Variants in ACSL4 observed in about 807,000 individuals in gnomAD.
The protein encoded by ACSL4 is long-chain-fatty-acid--CoA ligase 4.
ACSL4 carries 9 observed loss-of-function variants against 49.1 expected under a neutral mutation model. The ratio of observed to expected loss-of-function variants is 0.18; its 90% CI spans 0.11 to 0.32. ACSL4 has a LOEUF of 0.32. Among genes scored for constraint, ACSL4 ranks in the 10% least tolerant of loss-of-function variants. The pLI, the probability that ACSL4 is intolerant of heterozygous loss-of-function variation, is 1.00. For missense variants in ACSL4, 333 were observed against 493.7 expected, an observed-to-expected ratio of 0.67 and a Z score of 3.08; for synonymous variants, 191 against 170.3, an observed-to-expected ratio of 1.12 and a Z score of -0.95.
intron 9 of ACSL4, among the ~76,000 whole-genome samples, chrX:109,673,705 G>A (rs1026879284): frequency 8.9e-6 from 1 of 111,767 alleles, no homozygotes; most frequent in African/African-American, 3.3e-5. Flanking sequence ...GTAATTCTGT[G>A]AAAGATATTG....
intron 1 of ACSL4, among the ~76,000 whole-genome samples, chrX:109,702,577 C>T (rs1200896679): frequency 8.9e-6 from 1 of 112,448 alleles, no homozygotes; most frequent in African/African-American, 3.2e-5. Context: ...ATCCAGCACA[C>T]AGATCTTGTT....
At chrX:109,725,293 G>A (rs1168260471) in intron 1 of ACSL4, among the ~76,000 whole-genome samples, 1 of 104,726 alleles carries the variant, frequency 9.5e-6, no homozygotes, top group African/African-American at 3.5e-5. Context: ...TGTTGCTCAG[G>A]CTGGTCTTGA....
chrX:109,674,887 A>G (rs1048054883), intron 8 of ACSL4, among the ~76,000 whole-genome samples: 5 of 112,360 alleles, frequency 4.4e-5, no homozygotes, highest in Non-Finnish European at 9.4e-5. Flanking sequence ...CATCCTGAAG[A>G]CACCACTATG....
At chrX:109,706,379 G>T (rs2147506848) in intron 1 of ACSL4, among the ~76,000 whole-genome samples, 1 of 112,118 alleles carries the variant, frequency 8.9e-6, no homozygotes, top group South Asian at 3.6e-4. Flanking sequence ...GATAAAAGAT[G>T]AATGTGAGAG....
rs745542850 is a variant in ACSL4, at chrX:109,645,029, G to A, written c.1856-843C>T. Among the ~76,000 whole-genome samples the A allele has an allele frequency of 5.0e-4, 56 of 112,564 alleles. No homozygotes were observed. The South Asian group carries it at 0.017, about 35-fold the overall frequency. ...CTGGCTCGGAGGGTCCTACGCCCACGGAGTCTCGCTGATTGCTAGCACAGC... is the reference window on the plus strand; with the variant it reads ...CTGGCTCGGAGGGTCCTACGCCCACAGAGTCTCGCTGATTGCTAGCACAGC... On this transcript the variant is annotated intron_variant, in intron 15 of 15. Coordinates refer to ENST00000672401, the MANE Select transcript of ACSL4 (RefSeq NM_001318510.2).
rs1224048009 is a variant in ACSL4 at position 109,681,070 on chromosome X, C to T, written c.583G>A (p.Ala195Thr). Residue 195 changes from alanine to threonine, a missense_variant, in exon 6 of 16, where the codon GCA (alanine) becomes ACA (threonine). By Grantham distance (58) the Ala-to-Thr change is moderately conservative. Around this residue, in one of 3 missense-constraint regions of ACSL4, gnomAD observed 157 missense variants for 201.1 expected, o/e 0.78. Transcript: ENST00000672401. ...IYVDNKAINK[A>T]EYPEGFEIHS... ...ATCTCAAATCCTTCAGGGTACTCTG[C>T]TTTATTGATAGCCTTATTGTCCACA... The T allele has an allele frequency of 1.7e-6, 2 of 1,207,672 alleles. No individual in the cohort carries two copies. The highest frequency in any genetic ancestry group is 2.2e-6 in the Non-Finnish European group (2 of 893,572).
intron 9 of ACSL4, 26 bp downstream of exon 9, chrX:109,674,376 T>C: frequency 8.8e-7 from 1 of 1,137,365 alleles, no homozygotes; most frequent in Non-Finnish European, 1.2e-6. Flanking sequence ...AATCCTCTTA[T>C]GTTCATATTC....
At chrX:109,669,779 A>ATTCT (rs1923024448) in intron 9 of ACSL4, among the ~76,000 whole-genome samples, 1 of 112,700 alleles carries the variant, frequency 8.9e-6, no homozygotes, top group African/African-American at 3.2e-5. Flanking sequence ...CTCTGTTACA[A>ATTCT]TATATTCACT....
intron 1 of ACSL4, among the ~76,000 whole-genome samples, chrX:109,728,272 A>C (rs1928161598): frequency 8.9e-6 from 1 of 112,513 alleles, no homozygotes; most frequent in Non-Finnish European, 1.9e-5. Context: ...TTATTCTCAT[A>C]ATCAACAGTG....
At chrX:109,658,392 G>A (rs1435571972) in intron 15 of ACSL4, among the ~76,000 whole-genome samples, 2 of 111,087 alleles carry the variant, frequency 1.8e-5, no homozygotes, top group Admixed American at 1.9e-4. Context: ...AAATTCATCT[G>A]CAGCATGGCC....
rs757839351 is a variant in ACSL4 at position 109,657,971 on chromosome X, A to G, written c.1855+1383T>C. Among the ~76,000 whole-genome samples, 100 of 111,701 alleles carry G rather than the reference A, an allele frequency of 9.0e-4. 2 individuals are homozygous for G. Among genetic ancestry groups the G allele is most frequent in the African/African-American group, 3.1e-3 (95 of 30,582 alleles). On this transcript the variant is annotated intron_variant, in intron 15 of 15. Transcript: ENST00000672401. ...ATTTGCATTTCTCTGATGGCCAGTGATGATGAGCATTTTTTCATGTGTCTG... is the reference window on the plus strand; with the variant it reads ...ATTTGCATTTCTCTGATGGCCAGTGGTGATGAGCATTTTTTCATGTGTCTG...
In ACSL4 at chrX:109,674,453, T is replaced by C; in HGVS notation, c.951A>G (p.Gly317=). The C allele has an allele frequency of 3.3e-6, 4 of 1,205,668 alleles. No homozygotes were observed. The highest frequency in any genetic ancestry group is 4.5e-6 in the Non-Finnish European group (4 of 890,141). ...TCAGTACAGTACAGTCTCCTTTGCT[T>C]CCTTTTTTAATTTTGCTGGACTATA... ...LSDQSSKIKK[G]SKGDCTVLKP... Residue 317 remains glycine, a synonymous_variant, in exon 9 of 16, where the codon GGA becomes GGG. Coordinates refer to ENST00000672401, the MANE Select transcript of ACSL4 (RefSeq NM_001318510.2).
intron 8 of ACSL4, among the ~76,000 whole-genome samples, chrX:109,677,519 C>A (rs991431236): frequency 2.7e-5 from 3 of 110,933 alleles, no homozygotes; most frequent in Non-Finnish European, 5.7e-5. Context: ...TGGCTCACAT[C>A]TGTAATCCCA....
At chrX:109,670,419 T>C (rs1194828843) in intron 9 of ACSL4, among the ~76,000 whole-genome samples, 1 of 108,996 alleles carries the variant, frequency 9.2e-6, no homozygotes, top group Non-Finnish European at 1.9e-5. Context: ...ACCCCGTCTC[T>C]ACCAAAAATA....
chrX:109,700,799 C>A (rs1458314446), intron 1 of ACSL4, among the ~76,000 whole-genome samples: 2 of 110,841 alleles, frequency 1.8e-5, no homozygotes, highest in African/African-American at 6.6e-5. Flanking sequence ...AATCCCAGCA[C>A]TTTGGGAGGC....
chrX:109,645,084 G>A (rs1356198866), intron 15 of ACSL4, among the ~76,000 whole-genome samples: 2 of 112,539 alleles, frequency 1.8e-5, no homozygotes, highest in African/African-American at 6.4e-5. Flanking sequence ...AGGTGGCAGG[G>A]AGGCTGGGGG....
rs1284943370 is a variant in ACSL4, at chrX:109,733,185, C to G, written c.-112G>C. 1.2e-5 allele frequency: 4 copies of G among 327,269 alleles called. No homozygotes were observed. Among genetic ancestry groups the G allele is most frequent in the African/African-American group, 1.1e-4 (4 of 37,787 alleles). The allele number at this position is 327,269 out of a possible 1,213,427, so 27.0% of individuals were successfully genotyped here. On this transcript the variant is annotated 5_prime_UTR_variant, in exon 1 of 16. Transcript: ENST00000672401. ...CTTCGCAGCCGGCCGGCGCCTGGCA[C>G]TCGGAAAGCTCGCAAAAAGGAACCG...
intron 10 of ACSL4, 107 bp from the exon 11 acceptor site, chrX:109,668,380 A>C: frequency 1.5e-6 from 1 of 687,173 alleles, no homozygotes; most frequent in Non-Finnish European, 2.1e-6. Flanking sequence ...GAACATCTCA[A>C]TGTCAGAATC....
chrX:109,678,374 T>C lies in ACSL4; in HGVS notation c.697A>G (p.Ile233Val), dbSNP rs1420901964. ...GTAGAACCACTAGTATACATAACAATGGCCATGTCTGAAGGCGTTGGTCTA... is the reference window on the plus strand; with the variant it reads ...GTAGAACCACTAGTATACATAACAACGGCCATGTCTGAAGGCGTTGGTCTA... The part of the protein sequence containing the change: ...PSRPTPSDMA[I>V]VMYTSGSTGR... The change falls in exon 7 of 16, where the codon ATT (isoleucine) becomes GTT (valine). Residue 233 changes from isoleucine (I) to valine (V), a missense_variant. Coordinates refer to ENST00000672401, the MANE Select transcript of ACSL4 (RefSeq NM_001318510.2). 6.6e-6 allele frequency: 8 copies of C among 1,210,269 alleles called. No individual in the cohort carries two copies. Among genetic ancestry groups the C allele is most frequent in the Non-Finnish European group, 8.9e-6 (8 of 895,220 alleles).
Sources: allele counts gnomAD v4.1 joint callset (sites outside exome capture counted in the v4.1 genomes callset), GRCh38; gene constraint gnomAD v4.1.1; regional missense constraint gnomAD v4.1.1; transcripts MANE v1.5; gene names NCBI Gene and HGNC (gene_info 2026-07-23, HGNC 2026-07-21).